Variants in SMURF1 observed in about 807,000 individuals in gnomAD.
The protein encoded by SMURF1 is SMAD specific E3 ubiquitin protein ligase 1, also known as E3 ubiquitin-protein ligase SMURF1.
In SMURF1, 44 loss-of-function variants were observed where a neutral mutation model predicts 98.0. That is an observed-to-expected ratio of 0.45 (90% CI 0.35 to 0.58). SMURF1 has a LOEUF of 0.58. Among genes scored for constraint, SMURF1 ranks in the 20% least tolerant of loss-of-function variants. SMURF1 has a pLI of 0.00. For synonymous variants in SMURF1, 396 were observed against 374.9 expected, an observed-to-expected ratio of 1.06 and a Z score of -0.65; for missense variants, 687 against 938.4, an observed-to-expected ratio of 0.73 and a Z score of 3.50.
intron 14 of SMURF1, 97 bp from the exon 15 acceptor site, chr7:99,037,284 C>A (rs764612498): frequency 1.5e-4 from 227 of 1,504,138 alleles, no homozygotes; most frequent in Non-Finnish European, 1.6e-4. Flanking sequence ...GTCACCCAGG[C>A]TGGAGTGCAA....
At chr7:99,077,079 T>G (rs1226705780) in intron 1 of SMURF1, among the ~76,000 whole-genome samples, 1 of 152,068 alleles carries the variant, frequency 6.6e-6, no homozygotes, top group East Asian at 1.9e-4. Flanking sequence ...AATGTGTATT[T>G]AAGAGTCTGG....
chr7:99,127,926 A>G (rs759619961), intron 1 of SMURF1, among the ~76,000 whole-genome samples: 6 of 152,190 alleles, frequency 3.9e-5, no homozygotes, highest in South Asian at 2.1e-4. Context: ...ATGTACTTAA[A>G]TCGATAAACT....
chr7:99,114,052 A>G (rs534238166), intron 1 of SMURF1, among the ~76,000 whole-genome samples: 28 of 152,260 alleles, frequency 1.8e-4, no homozygotes, highest in African/African-American at 6.0e-4. Flanking sequence ...TAAAGATATA[A>G]TCTGTGACAA....
chr7:99,111,835 G>A (rs941687287), intron 1 of SMURF1, among the ~76,000 whole-genome samples: 14 of 152,166 alleles, frequency 9.2e-5, no homozygotes, highest in African/African-American at 2.2e-4. Flanking sequence ...CCTGTCTAGT[G>A]GCTCCCTGAA....
At chr7:99,110,939 G>A (rs1341209562) in intron 1 of SMURF1, among the ~76,000 whole-genome samples, 1 of 152,218 alleles carries the variant, frequency 6.6e-6, no homozygotes, top group Admixed American at 6.5e-5. Flanking sequence ...GGTAGACATA[G>A]GGTGCCGCCT....
At chr7:99,057,347 CAA>C in intron 4 of SMURF1, 69 bp downstream of exon 4, 2 of 1,606,010 alleles carry the variant, frequency 1.2e-6, no homozygotes, top group Non-Finnish European at 1.7e-6. Flanking sequence ...ATTCAGCGAT[CAA>C]AACAAAAAAC....
At chr7:99,095,633 GTATT>G (rs1796940862) in intron 1 of SMURF1, among the ~76,000 whole-genome samples, 1 of 152,198 alleles carries the variant, frequency 6.6e-6, no homozygotes. Context: ...ACACCAGTGA[GTATT>G]TATCAAGTGC....
At chr7:99,049,354 A>G in intron 9 of SMURF1, 1 of 553,968 alleles carries the variant, frequency 1.8e-6, no homozygotes, top group Non-Finnish European at 3.1e-6. Context: ...CAAGTAAGAA[A>G]AGGGTAGCAA....
chr7:99,050,007 G>C (rs1331603842), intron 8 of SMURF1: 1 of 247,600 alleles, frequency 4.0e-6, no homozygotes, highest in Non-Finnish European at 7.6e-6. Flanking sequence ...AGGAATTCGA[G>C]ACCAGCCTGG....
intron 1 of SMURF1, among the ~76,000 whole-genome samples, chr7:99,120,454 G>A (rs1797583933): frequency 6.6e-6 from 1 of 152,032 alleles, no homozygotes; most frequent in African/African-American, 2.4e-5. Context: ...CACTCCCTCA[G>A]AGTCGTGATT....
rs369823843 is a variant in SMURF1, at chr7:99,038,534, A to G, written c.1551-9T>C. 2.7e-5 allele frequency: 43 copies of G among 1,613,436 alleles called. No individual in the cohort carries two copies. Among genetic ancestry groups the G allele is most frequent in the Non-Finnish European group, 3.6e-5 (42 of 1,179,748 alleles). On this transcript the variant is annotated splice_polypyrimidine_tract_variant and intron_variant, in intron 13 of 17. Transcript: ENST00000361368. ...GCGTGATGTCGTTCTCTCTGTTGAA[A>G]TAAGACAGAAGGATGTAGGTTAGAA...
At chr7:99,091,957 G>T (rs1240368495) in intron 1 of SMURF1, among the ~76,000 whole-genome samples, 2 of 152,132 alleles carry the variant, frequency 1.3e-5, no homozygotes. Flanking sequence ...TATGGATTTT[G>T]AAGTCATCAA....
chr7:99,119,506 C>T (rs1380047046), intron 1 of SMURF1, among the ~76,000 whole-genome samples: 1 of 152,190 alleles, frequency 6.6e-6, no homozygotes, highest in African/African-American at 2.4e-5. Context: ...GTTTATCTAA[C>T]AGTGACAGAT....
rs889700134 is a variant in SMURF1 at position 99,042,055 on chromosome 7, C to T, written c.1371+63G>A. ...AATAGACCAAGGACTGAGAATGAAA[C>T]TGAAAATCCATCTCAAAACTTCTCC... On this transcript the variant is annotated intron_variant, in intron 12 of 17. Coordinates refer to ENST00000361368, the MANE Select transcript of SMURF1 (RefSeq NM_181349.3). 5 of 1,313,218 alleles carry T rather than the reference C, an allele frequency of 3.8e-6. No homozygotes were observed. In the African/African-American group the frequency reaches 5.8e-5, roughly 15 times the overall value. 81.3% of individuals were successfully genotyped at this position (1,313,218 alleles called of 1,614,324 possible).
At chr7:99,120,083 A>G (rs1343511010) in intron 1 of SMURF1, among the ~76,000 whole-genome samples, 1 of 152,066 alleles carries the variant, frequency 6.6e-6, no homozygotes, top group African/African-American at 2.4e-5. Flanking sequence ...TTGCCCTGGT[A>G]GTTCCCATGA....
intron 10 of SMURF1, 126 bp from the exon 11 acceptor site, chr7:99,045,927 C>T (rs1488165429): frequency 1.5e-6 from 1 of 685,964 alleles, no homozygotes; most frequent in Non-Finnish European, 2.6e-6. Flanking sequence ...TCTGGCTCCT[C>T]ATCAGAATGT....
intron 1 of SMURF1, among the ~76,000 whole-genome samples, chr7:99,114,685 C>G (rs2150609592): frequency 6.6e-6 from 1 of 152,146 alleles, no homozygotes; most frequent in Non-Finnish European, 1.5e-5. Context: ...GACAGTTTAC[C>G]CAACAGTAGC....
chr7:99,042,397 C>G (rs1326612514), intron 11 of SMURF1, among the ~76,000 whole-genome samples, 165 bp from the exon 12 acceptor site: 1 of 152,124 alleles, frequency 6.6e-6, no homozygotes, highest in Non-Finnish European at 1.5e-5. Flanking sequence ...TTCCTGCCTC[C>G]CGAGTAGCTG....
At chr7:99,063,247 A>AG in intron 1 of SMURF1, among the ~76,000 whole-genome samples, 1 of 2,116 alleles carries the variant, frequency 4.7e-4, no homozygotes, top group East Asian at 0.013. Flanking sequence ...TTATTTATAT[A>AG]TATATATATA....
Sources: gnomAD v4.1 joint callset for allele counts (sites outside exome capture counted in the v4.1 genomes callset) on GRCh38, gnomAD v4.1.1 for gene constraint, MANE v1.5 for transcripts, NCBI Gene and HGNC (gene_info 2026-07-23, HGNC 2026-07-21) for gene names.